Variants in DMD observed in about 807,000 individuals in gnomAD.
DMD encodes the protein dystrophin.
DMD carries 63 observed loss-of-function variants against 330.1 expected under a neutral mutation model. The observed-to-expected ratio is 0.19, with a 90% confidence interval of 0.16 to 0.24. DMD has a LOEUF of 0.24. DMD is among the 10% of genes least tolerant of loss of function. The pLI is 1.00. For synonymous variants in DMD, 1,223 were observed against 959.8 expected (o/e 1.27, Z -5.07); for missense variants, 3,344 against 2,684.1 (o/e 1.25, Z -5.43).
At chrX:32,042,190 T>TATACACAC (rs1557089198) in intron 44 of DMD, among the ~76,000 whole-genome samples, 2 of 82,945 alleles carry the variant, frequency 2.4e-5, no homozygotes, top group African/African-American at 9.1e-5. Context: ...TACATACATA[T>TATACACAC]ACACACACAC....
intron 43 of DMD, among the ~76,000 whole-genome samples, chrX:32,240,661 T>C (rs1262861249): frequency 8.9e-6 from 1 of 111,795 alleles, no homozygotes; most frequent in Non-Finnish European, 1.9e-5. Context: ...GCCAAGAAGG[T>C]GAAGAGGGAC....
intron 74 of DMD, among the ~76,000 whole-genome samples, chrX:31,166,557 T>C (rs901274408): frequency 2.7e-5 from 3 of 112,037 alleles, no homozygotes; most frequent in Non-Finnish European, 5.6e-5. Flanking sequence ...ACTTAGGACA[T>C]AGCCAGCTAG....
intron 1 of DMD, among the ~76,000 whole-genome samples, chrX:33,262,917 C>G (rs373708493): frequency 1.8e-5 from 2 of 109,863 alleles, no homozygotes; most frequent in East Asian, 5.8e-4. Flanking sequence ...TGATTCAGAG[C>G]AGGAAATAAT....
chrX:32,782,716 T>C (rs1483379715), intron 7 of DMD, among the ~76,000 whole-genome samples: 1 of 110,044 alleles, frequency 9.1e-6, no homozygotes. Flanking sequence ...ATAGGGTGAA[T>C]ATAGTCAATA....
At chrX:33,112,643 A>T (rs2095348547) in intron 1 of DMD, among the ~76,000 whole-genome samples, 1 of 111,451 alleles carries the variant, frequency 9.0e-6, no homozygotes, top group African/African-American at 3.3e-5. Context: ...GGATCCTTAC[A>T]GTGTATCTTG....
chrX:32,553,195 G>A (rs185627882), intron 16 of DMD, among the ~76,000 whole-genome samples: 2 of 111,988 alleles, frequency 1.8e-5, no homozygotes, highest in East Asian at 5.6e-4. Context: ...GACTGGATAA[G>A]GAAAATGTGG....
intron 63 of DMD, among the ~76,000 whole-genome samples, chrX:31,240,856 A>G (rs1266050818): frequency 8.9e-6 from 1 of 111,756 alleles, no homozygotes; most frequent in African/African-American, 3.2e-5. Context: ...TAAAATTCAA[A>G]TCCATTTGAC....
chrX:32,739,473 G>A (rs1168706370), intron 7 of DMD, among the ~76,000 whole-genome samples: 1 of 111,858 alleles, frequency 8.9e-6, no homozygotes, highest in Non-Finnish European at 1.9e-5. Flanking sequence ...TGATCACTTT[G>A]GAAAGGTGTA....
At chrX:33,011,421 T>G (rs1015114246) in intron 2 of DMD, among the ~76,000 whole-genome samples, 12 of 112,179 alleles carry the variant, frequency 1.1e-4, no homozygotes, top group Non-Finnish European at 1.9e-4. Context: ...TGCCTTCATC[T>G]TTCTTGAAAT....
rs2058255001 is a variant in DMD, at chrX:32,625,030, G to T, written c.1332-10577C>A. ...CACTAAAAATACAAAAATTAGCCGGGAGTGGTGGCACATGCCTGTAGTCCC... is the reference window on the plus strand; with the variant it reads ...CACTAAAAATACAAAAATTAGCCGGTAGTGGTGGCACATGCCTGTAGTCCC... On this transcript the variant is annotated intron_variant, in intron 11 of 78. Coordinates refer to ENST00000357033, the MANE Select transcript of DMD (RefSeq NM_004006.3). Among the ~76,000 whole-genome samples the T allele has an allele frequency of 2.7e-5, 3 of 111,822 alleles. No homozygotes were observed. In the South Asian group the frequency reaches 1.1e-3, roughly 42 times the overall value.
chrX:32,593,170 C>G (rs2055127607), intron 13 of DMD, among the ~76,000 whole-genome samples: 1 of 112,482 alleles, frequency 8.9e-6, no homozygotes, highest in African/African-American at 3.2e-5. Context: ...CTGCCGGCCA[C>G]AGAGGTTTCT....
At chrX:31,778,714 G>A (rs756416861) in intron 50 of DMD, among the ~76,000 whole-genome samples, 1 of 109,150 alleles carries the variant, frequency 9.2e-6, no homozygotes, top group Non-Finnish European at 1.9e-5. Context: ...GGGACTACAG[G>A]CATTTGCCAC....
chrX:31,718,720 A>G (rs1335309670), intron 52 of DMD, among the ~76,000 whole-genome samples: 1 of 111,543 alleles, frequency 9.0e-6, no homozygotes, highest in Admixed American at 9.6e-5. Flanking sequence ...CAACCTCCAG[A>G]ACCGTGAAAA....
intron 4 of DMD, among the ~76,000 whole-genome samples, chrX:32,839,765 G>A (rs1197893830): frequency 9.1e-6 from 1 of 109,951 alleles, no homozygotes; most frequent in African/African-American, 3.3e-5. Flanking sequence ...AGGCTGGAGT[G>A]CAGTGGCACG....
intron 48 of DMD, among the ~76,000 whole-genome samples, chrX:31,874,173 T>C (rs1168206846): frequency 9.0e-6 from 1 of 111,666 alleles, no homozygotes; most frequent in Non-Finnish European, 1.9e-5. Context: ...GAATTCATTC[T>C]TAAAGAATGG....
chrX:33,101,851 C>T (rs2095242703), intron 1 of DMD, among the ~76,000 whole-genome samples: 1 of 111,475 alleles, frequency 9.0e-6, no homozygotes, highest in South Asian at 3.7e-4. Context: ...TTGTTTCCCT[C>T]TATATCAGTA....
At chrX:33,017,969 G>C (rs1397456726) in intron 2 of DMD, among the ~76,000 whole-genome samples, 1 of 112,260 alleles carries the variant, frequency 8.9e-6, no homozygotes, top group East Asian at 2.8e-4. Flanking sequence ...GTTTCACCAA[G>C]TGGCTTAAAC....
chrX:32,808,031 TTA>T, intron 7 of DMD, among the ~76,000 whole-genome samples: 1 of 111,801 alleles, frequency 8.9e-6, no homozygotes, highest in Non-Finnish European at 1.9e-5. Context: ...CGTATTTTCA[TTA>T]TGTCTGCCCT....
chrX:31,659,277 C>T (rs2148622400), intron 53 of DMD, among the ~76,000 whole-genome samples: 1 of 111,105 alleles, frequency 9.0e-6, no homozygotes, highest in African/African-American at 3.3e-5. Flanking sequence ...GTACTTTATC[C>T]TGATAAAATC....
Sources: gnomAD v4.1 joint callset for allele counts (sites outside exome capture counted in the v4.1 genomes callset) on GRCh38, gnomAD v4.1.1 for gene constraint, MANE v1.5 for transcripts, NCBI Gene and HGNC (gene_info 2026-07-23, HGNC 2026-07-21) for gene names.